Variants in EDA observed in about 807,000 individuals in gnomAD.
EDA encodes the protein ectodysplasin A, also known as ectodysplasin-A.
A neutral mutation model predicts 23.6 loss-of-function variants in EDA; 2 were observed. The observed-to-expected ratio is 0.08, with a 90% CI of 0.03 to 0.27. The LOEUF is 0.27. Ranked by LOEUF, EDA falls within the 10% of genes least tolerant of loss-of-function variation. The pLI is 1.00. For synonymous variants in EDA, 131 were observed against 132.0 expected (o/e 0.99, Z 0.05); for missense variants, 229 against 324.2 (o/e 0.71, Z 2.26).
Position 70,012,260 on chromosome X carries a change from T to C in EDA, c.503-10958T>C, listed in dbSNP as rs377104890. ...TAATAGTGATAGTGCTCTGAATAGG[T>C]ATGAATAAGGTTCTGAAGCATATAG... On this transcript the variant is annotated intron_variant, in intron 2 of 7. Coordinates refer to ENST00000374552, the MANE Select transcript of EDA (RefSeq NM_001399.5). Among the ~76,000 whole-genome samples the C allele has an allele frequency of 8.6e-4, 96 of 112,239 alleles. 1 individual carries two copies. Among genetic ancestry groups the C allele is most frequent in the African/African-American group, 3.0e-3 (94 of 30,931 alleles).
At chrX:69,923,973 TTGAGAATTGTC>T (rs1232010019) in intron 1 of EDA, among the ~76,000 whole-genome samples, 1 of 111,848 alleles carries the variant, frequency 8.9e-6, no homozygotes, top group African/African-American at 3.3e-5. Context: ...ATGTCTTCTT[TTGAGAATTGTC>T]TGTTCATATC....
At chrX:69,701,641 G>T (rs2011536643) in intron 1 of EDA, among the ~76,000 whole-genome samples, 1 of 111,964 alleles carries the variant, frequency 8.9e-6, no homozygotes, top group Non-Finnish European at 1.9e-5. Flanking sequence ...TGGATTGGGA[G>T]ATGAACTGAA....
At chrX:69,651,358 T>C (rs1394530269) in intron 1 of EDA, among the ~76,000 whole-genome samples, 1 of 111,124 alleles carries the variant, frequency 9.0e-6, no homozygotes, top group African/African-American at 3.3e-5. Context: ...AAGAAGGTGA[T>C]GGCATTGGAC....
chrX:69,913,061 C>T (rs1041733569), intron 1 of EDA, among the ~76,000 whole-genome samples: 1 of 111,868 alleles, frequency 8.9e-6, no homozygotes, highest in African/African-American at 3.2e-5. Context: ...AGCCACCACA[C>T]CCGGTGAAGA....
intron 1 of EDA, among the ~76,000 whole-genome samples, chrX:69,708,735 A>T (rs1319887620): frequency 9.0e-6 from 1 of 110,871 alleles, no homozygotes; most frequent in Non-Finnish European, 1.9e-5. Context: ...TCCCATTTTG[A>T]TGGGAGCTGG....
chrX:70,016,400 C>T (rs1314921106), intron 2 of EDA, among the ~76,000 whole-genome samples: 2 of 104,237 alleles, frequency 1.9e-5, no homozygotes, highest in African/African-American at 6.7e-5. Flanking sequence ...ATCTACAGAA[C>T]TCTCTACCAA....
chrX:69,832,468 C>T (rs987742317), intron 1 of EDA, among the ~76,000 whole-genome samples: 30 of 111,700 alleles, frequency 2.7e-4, no homozygotes, highest in African/African-American at 8.8e-4. Flanking sequence ...AGTCAGGTAG[C>T]ATGATGCCTC....
At chrX:69,909,405 A>G (rs900355907) in intron 1 of EDA, among the ~76,000 whole-genome samples, 26 of 111,838 alleles carry the variant, frequency 2.3e-4, no homozygotes, top group African/African-American at 8.1e-4. Flanking sequence ...GGTTCAAGGG[A>G]TTCTCGTGTC....
At chrX:70,020,382 C>T (rs934695669) in intron 2 of EDA, among the ~76,000 whole-genome samples, 16 of 110,674 alleles carry the variant, frequency 1.4e-4, no homozygotes. Flanking sequence ...ACAGTGAAAC[C>T]CCATCTCTAC....
intron 1 of EDA, among the ~76,000 whole-genome samples, chrX:69,695,255 G>C (rs1446036759): frequency 9.1e-6 from 1 of 109,420 alleles, no homozygotes; most frequent in Non-Finnish European, 1.9e-5. Flanking sequence ...GGGAGGTGGA[G>C]GTAGCAGTGA....
intron 1 of EDA, among the ~76,000 whole-genome samples, chrX:69,721,163 G>A (rs1338820668): frequency 9.0e-6 from 1 of 111,397 alleles, no homozygotes; most frequent in Non-Finnish European, 1.9e-5. Flanking sequence ...GCTTGACGGG[G>A]CAGAAGGGGT....
At chrX:69,724,670 A>G (rs903987653) in intron 1 of EDA, among the ~76,000 whole-genome samples, 56 of 111,992 alleles carry the variant, frequency 5.0e-4, no homozygotes, top group African/African-American at 1.7e-3. Flanking sequence ...TATTTTAGGT[A>G]TCTTTGTGGG....
intron 1 of EDA, among the ~76,000 whole-genome samples, chrX:69,900,606 A>G (rs1027540986): frequency 9.1e-6 from 1 of 110,196 alleles, no homozygotes; most frequent in African/African-American, 3.3e-5. Flanking sequence ...GCAAACTCAG[A>G]CCCATGAGGT....
intron 1 of EDA, among the ~76,000 whole-genome samples, chrX:69,933,507 C>A (rs1332753977): frequency 9.0e-6 from 1 of 110,968 alleles, no homozygotes; most frequent in Non-Finnish European, 1.9e-5. Flanking sequence ...TGGTGAAACA[C>A]CGTCTCTACT....
chrX:69,720,747 C>G (rs1368244601), intron 1 of EDA, among the ~76,000 whole-genome samples: 2 of 112,271 alleles, frequency 1.8e-5, no homozygotes, highest in Non-Finnish European at 3.8e-5. Context: ...CTGCATTTTT[C>G]CTTTTTCATC....
chrX:69,756,669 A>G (rs1036077699), intron 1 of EDA, among the ~76,000 whole-genome samples: 4 of 112,169 alleles, frequency 3.6e-5, no homozygotes, highest in Admixed American at 9.5e-5. Context: ...CTGTCAGGAC[A>G]TTATTTTATT....
At chrX:69,629,684 A>G (rs1329041014) in intron 1 of EDA, among the ~76,000 whole-genome samples, 1 of 111,033 alleles carries the variant, frequency 9.0e-6, no homozygotes, top group Non-Finnish European at 1.9e-5. Context: ...CCCTCACAGA[A>G]AGTTTCTTAG....
chrX:69,722,212 T>A (rs1390429087), intron 1 of EDA, among the ~76,000 whole-genome samples: 2 of 110,910 alleles, frequency 1.8e-5, no homozygotes, highest in East Asian at 5.6e-4. Context: ...TATTTTTATT[T>A]ATTTATTTTT....
intron 1 of EDA, among the ~76,000 whole-genome samples, chrX:69,673,952 A>G (rs139070626): frequency 2.2e-3 from 243 of 111,577 alleles, no homozygotes; most frequent in African/African-American, 7.4e-3. Context: ...ACATGGTCAC[A>G]TTCCCTCATC....
Sources: allele counts gnomAD v4.1 joint callset (sites outside exome capture counted in the v4.1 genomes callset), GRCh38; gene constraint gnomAD v4.1.1; transcripts MANE v1.5; gene names NCBI Gene and HGNC (gene_info 2026-07-23, HGNC 2026-07-21).